Variants in ARFGEF3 observed in about 807,000 individuals in gnomAD.
ARFGEF3 encodes the protein brefeldin A-inhibited guanine nucleotide-exchange protein 3.
In ARFGEF3, 96 loss-of-function variants were observed where a neutral mutation model predicts 221.7. That is an observed-to-expected ratio of 0.43 (90% confidence interval 0.37 to 0.51). The LOEUF is 0.51. ARFGEF3 is among the 20% of genes least tolerant of loss of function. The probability of loss-of-function intolerance (pLI) is 0.00; values close to 1 mark genes in which losing one functional copy is unlikely to be tolerated. For missense variants in ARFGEF3, 2,410 were observed against 2,789.9 expected, an observed-to-expected ratio of 0.86 and a Z score of 3.07; for synonymous variants, 1,145 against 1,126.8, an observed-to-expected ratio of 1.02 and a Z score of -0.32.
At chr6:138,228,986 G>A (rs1015628367) in intron 4 of ARFGEF3, among the ~76,000 whole-genome samples, 9 of 152,222 alleles carry the variant, frequency 5.9e-5, no homozygotes, top group Admixed American at 2.6e-4. Context: ...AAATGCCACA[G>A]GCTTTTATTG....
intron 6 of ARFGEF3, among the ~76,000 whole-genome samples, chr6:138,242,014 C>T (rs1382061112): frequency 6.6e-6 from 1 of 152,210 alleles, no homozygotes; most frequent in African/African-American, 2.4e-5. Context: ...GAATGTTGTT[C>T]TCAACTTGAC....
At chr6:138,179,179 C>T (rs778442543) in intron 2 of ARFGEF3, among the ~76,000 whole-genome samples, 11 of 152,162 alleles carry the variant, frequency 7.2e-5, no homozygotes, top group Non-Finnish European at 1.6e-4. Context: ...CTATCCTGTC[C>T]CAATTCAGGA....
In ARFGEF3 at chr6:138,313,865, G is replaced by A. The variant is rs774759929; in HGVS notation, c.4271G>A (p.Arg1424Gln). 94 of 1,613,684 alleles carry A rather than the reference G, an allele frequency of 5.8e-5. No homozygotes were observed. The Middle Eastern group carries it at 1.2e-3, about 20-fold the overall frequency. Residue 1424 changes from arginine (R) to glutamine (Q), a missense_variant, in exon 26 of 34, where the codon CGA (arginine) becomes CAA (glutamine). Arg to Gln is a conservative substitution (Grantham distance 43). Coordinates refer to ENST00000251691, the MANE Select transcript of ARFGEF3 (RefSeq NM_020340.5). ...AGTGGGAGACTTGCCGGCTTGCCTC[G>A]AAGACTTCAGGAACAGTCAGCCAGC... ...FLSGRLAGLP[R>Q]RLQEQSASSE...
intron 2 of ARFGEF3, among the ~76,000 whole-genome samples, chr6:138,195,242 G>C (rs1173579293): frequency 6.6e-6 from 1 of 151,884 alleles, no homozygotes; most frequent in Non-Finnish European, 1.5e-5. Flanking sequence ...GACCTCAGAT[G>C]ATCTGCCCTC....
intron 21 of ARFGEF3, 88 bp downstream of exon 21, chr6:138,297,043 G>T (rs895866804): frequency 1.3e-5 from 19 of 1,433,380 alleles, no homozygotes; most frequent in Non-Finnish European, 1.7e-5. Flanking sequence ...ATGTATGGGG[G>T]CAAAGCACTG....
chr6:138,335,014 C>G lies in ARFGEF3; in HGVS notation c.6168C>G (p.Pro2056=). 6.3e-7 allele frequency: 1 copy of G among 1,590,406 alleles called. No individual in the cohort carries two copies. Among genetic ancestry groups the G allele is most frequent in the African/African-American group, 1.3e-5 (1 of 74,496 alleles). The part of the protein sequence containing the change: ...KVEKKGEPLG[P]RGQDSPLLQR... ...AGAAGAAAGGAGAGCCACTGGGTCC[C>G]AGGGGCCAGGACTCCCCGCTGCTTC... The change falls in exon 33 of 34, where the codon CCC becomes CCG. Residue 2056 remains proline (P), a synonymous_variant. Coordinates refer to ENST00000251691, the MANE Select transcript of ARFGEF3 (RefSeq NM_020340.5).
At chr6:138,260,554 C>T (rs1228473731) in intron 10 of ARFGEF3, among the ~76,000 whole-genome samples, 8 of 152,048 alleles carry the variant, frequency 5.3e-5, no homozygotes, top group Non-Finnish European at 1.2e-4. Context: ...ATATGTATAG[C>T]TTTAACTCCT....
rs757487711 is a variant in ARFGEF3 at position 138,336,413 on chromosome 6, C to T, written c.6461C>T (p.Thr2154Ile). Reference protein sequence around the residue: ...PCISQLTCHVTDIRVRQAVRE... With the variant: ...PCISQLTCHVIDIRVRQAVRE... ...ATCAGTCAGCTGACCTGTCACGTGACCGACATCAGAGTTCGCCAGGCTGTG... is the reference window on the plus strand; with the variant it reads ...ATCAGTCAGCTGACCTGTCACGTGATCGACATCAGAGTTCGCCAGGCTGTG... The change falls in exon 34 of 34, where the codon ACC becomes ATC. Residue 2154 changes from threonine to isoleucine, a missense_variant. Thr to Ile is a moderately conservative substitution (Grantham distance 89). This residue lies in a region of ARFGEF3 where 339 missense variants were observed against 334.9 expected (regional missense o/e 1.01). Coordinates refer to ENST00000251691, the MANE Select transcript of ARFGEF3 (RefSeq NM_020340.5). 6 of 1,613,500 alleles carry T rather than the reference C, an allele frequency of 3.7e-6. No homozygotes were observed. The Middle Eastern group carries it at 8.3e-4, about 222-fold the overall frequency.
intron 12 of ARFGEF3, 96 bp downstream of exon 12, chr6:138,263,707 C>A: frequency 1.7e-6 from 2 of 1,146,442 alleles, no homozygotes; most frequent in Non-Finnish European, 2.5e-6. Flanking sequence ...TTGACGTGCT[C>A]AAAGCATATT....
Position 138,286,708 on chromosome 6 carries a change from A to G in ARFGEF3, c.2577A>G (p.Ala859=), listed in dbSNP as rs577241417. 4.3e-6 allele frequency: 7 copies of G among 1,613,982 alleles called. No individual in the cohort carries two copies. In the African/African-American group the frequency reaches 8.0e-5, roughly 18 times the overall value. Residue 859 remains alanine, a synonymous_variant, in exon 16 of 34, where the codon GCA becomes GCG. Coordinates refer to ENST00000251691, the MANE Select transcript of ARFGEF3 (RefSeq NM_020340.5). ...CACCCCTCCATGTTCCAGGCGTGGC[A>G]TTTGCTCGCTATATTCTGGTGGGCT... is the stretch of plus-strand genomic sequence containing the variant. ...RIDDSTVAGV[A]FARYILVGCW... is the part of the protein sequence containing the mutation.
At chr6:138,243,964 C>G (rs756139566) in intron 7 of ARFGEF3, among the ~76,000 whole-genome samples, 42 of 152,052 alleles carry the variant, frequency 2.8e-4, no homozygotes, top group Non-Finnish European at 5.9e-5. Context: ...ATCTTCCTTT[C>G]CTCTTTTTGG....
intron 8 of ARFGEF3, 104 bp from the exon 9 acceptor site, chr6:138,253,776 A>G (rs1404125235): frequency 1.2e-6 from 1 of 867,022 alleles, no homozygotes; most frequent in East Asian, 2.7e-5. Context: ...TAAAACTAGC[A>G]CTTTAGTAAC....
In ARFGEF3 at chr6:138,344,405, A is replaced by C. The variant is rs1020103092; in HGVS notation, c.*7919A>C. The C allele has an allele frequency of 6.6e-6, 1 of 152,124 alleles. No individual in the cohort carries two copies. Among genetic ancestry groups the C allele is most frequent in the African/African-American group, 2.4e-5 (1 of 41,402 alleles). 9.4% of individuals were successfully genotyped at this position (152,124 alleles called of 1,614,324 possible). ...TGGTCATATTTACTTAAAAAAACAA[A>C]CTGAAAATCACACTCCTTTATATGT... On this transcript the variant is annotated 3_prime_UTR_variant, in exon 34 of 34. Coordinates refer to ENST00000251691, the MANE Select transcript of ARFGEF3 (RefSeq NM_020340.5).
At chr6:138,322,834 C>T (rs1780057834) in intron 29 of ARFGEF3, among the ~76,000 whole-genome samples, 4 of 148,738 alleles carry the variant, frequency 2.7e-5, no homozygotes, top group East Asian at 2.0e-4. Flanking sequence ...CTGTCATTTA[C>T]AACAACATAG....
At chr6:138,272,341 G>C (rs2114607045) in intron 12 of ARFGEF3, among the ~76,000 whole-genome samples, 1 of 152,192 alleles carries the variant, frequency 6.6e-6, no homozygotes, top group African/African-American at 2.4e-5. Context: ...ATTTTGAGTA[G>C]AGACGTGGTT....
intron 22 of ARFGEF3, among the ~76,000 whole-genome samples, chr6:138,303,504 A>G (rs1012615363): frequency 2.6e-5 from 4 of 152,114 alleles, no homozygotes; most frequent in Non-Finnish European, 5.9e-5. Context: ...CTACTAGGAT[A>G]AAAAAGATAG....
chr6:138,279,682 A>G (rs1779161865), intron 13 of ARFGEF3, among the ~76,000 whole-genome samples: 1 of 152,226 alleles, frequency 6.6e-6, no homozygotes, highest in South Asian at 2.1e-4. Flanking sequence ...TGGGGCTCCT[A>G]GAAAAGGAAG....
rs1004631156 is a variant in ARFGEF3 at position 138,291,012 on chromosome 6, C to T, written c.3048-721C>T. Among the ~76,000 whole-genome samples the T allele has an allele frequency of 6.6e-6, 1 of 152,160 alleles. No homozygotes were observed. Among genetic ancestry groups the T allele is most frequent in the South Asian group, 2.1e-4 (1 of 4,826 alleles). ...ATTGAAAAATTCCTTGATTCTAGAA[C>T]ATCAGAGTGGATTATCCATGATGCT... On this transcript the variant is annotated intron_variant, in intron 18 of 33. Transcript: ENST00000251691. The surrounding 1 kb of genome is among the most constrained non-coding windows in gnomAD (Gnocchi z 4.5).
chr6:138,181,756 G>A (rs1332949224), intron 2 of ARFGEF3, among the ~76,000 whole-genome samples: 2 of 152,138 alleles, frequency 1.3e-5, no homozygotes, highest in East Asian at 3.9e-4. Flanking sequence ...CATCCCTTTT[G>A]AATGGAATGA....
Sources: allele counts gnomAD v4.1 joint callset (sites outside exome capture counted in the v4.1 genomes callset), GRCh38; gene constraint gnomAD v4.1.1; regional missense constraint gnomAD v4.1.1; non-coding constraint Gnocchi (gnomAD v3.1); transcripts MANE v1.5; gene names NCBI Gene and HGNC (gene_info 2026-07-23, HGNC 2026-07-21).